Variants in COL26A1 observed in about 807,000 individuals in gnomAD.
COL26A1 encodes collagen type XXVI alpha 1 chain, also known as collagen alpha-1(XXVI) chain.
A neutral mutation model predicts 59.3 loss-of-function variants in COL26A1; 41 were observed. The ratio of observed to expected loss-of-function variants is 0.69; its 90% CI spans 0.54 to 0.90. The LOEUF (loss-of-function observed/expected upper bound fraction) is 0.90. COL26A1 is among the 40% of genes least tolerant of loss of function. The pLI is 0.00. For missense variants in COL26A1, 612 were observed against 602.3 expected, an observed-to-expected ratio of 1.02 and a Z score of -0.17; for synonymous variants, 266 against 256.0, an observed-to-expected ratio of 1.04 and a Z score of -0.37.
chr7:101,515,687 C>T (rs941310617), intron 3 of COL26A1, among the ~76,000 whole-genome samples: 6 of 151,808 alleles, frequency 4.0e-5, no homozygotes, highest in African/African-American at 1.2e-4. Context: ...CTCCCTGGCT[C>T]AAGTGATTCT....
chr7:101,364,224 C>T (rs1366141776), intron 1 of COL26A1, among the ~76,000 whole-genome samples: 1 of 128,402 alleles, frequency 7.8e-6, no homozygotes, highest in Non-Finnish European at 1.6e-5. Context: ...GCCTCGTTTG[C>T]ATAACTCGCT....
chr7:101,387,374 G>GGAA (rs1554403980), intron 1 of COL26A1, among the ~76,000 whole-genome samples: 2 of 143,692 alleles, frequency 1.4e-5, no homozygotes, highest in African/African-American at 5.2e-5. Context: ...CCGACACACT[G>GGAA]AAAAAAAAAA....
At chr7:101,551,180 C>A (rs73715304) in intron 10 of COL26A1, 37 bp downstream of exon 10, 260,429 of 1,537,862 alleles carry the variant, frequency 0.17, 23,786 homozygotes, top group African/African-American at 0.3. Flanking sequence ...TGGGCCACTC[C>A]CAGGCAGAGG....
chr7:101,394,070 G>T (rs1217037853), intron 1 of COL26A1, among the ~76,000 whole-genome samples: 2 of 152,038 alleles, frequency 1.3e-5, no homozygotes, highest in Non-Finnish European at 2.9e-5. Context: ...GAGCCACTGC[G>T]CCTGGCTGGG....
At chr7:101,369,074 C>G (rs1218551649) in intron 1 of COL26A1, among the ~76,000 whole-genome samples, 1 of 151,892 alleles carries the variant, frequency 6.6e-6, no homozygotes, top group African/African-American at 2.4e-5. Context: ...TCAACTTGGC[C>G]TTTTTCCATC....
At chr7:101,408,729 G>A (rs1405861419) in intron 1 of COL26A1, among the ~76,000 whole-genome samples, 2 of 152,200 alleles carry the variant, frequency 1.3e-5, no homozygotes, top group African/African-American at 4.8e-5. Context: ...CTGCAGTGCA[G>A]GACTTCATAT....
At chr7:101,385,686 A>C (rs572682444) in intron 1 of COL26A1, among the ~76,000 whole-genome samples, 22 of 143,382 alleles carry the variant, frequency 1.5e-4, no homozygotes, top group African/African-American at 5.5e-4. Context: ...CAATTGAAAA[A>C]AATTTTTTTT....
intron 2 of COL26A1, among the ~76,000 whole-genome samples, chr7:101,432,545 C>G (rs1341630734): frequency 6.6e-6 from 1 of 152,070 alleles, no homozygotes; most frequent in South Asian, 2.1e-4. Context: ...GAGGTGGGAG[C>G]CGGCAGCTGT....
At chr7:101,417,360 C>T (rs1210114098) in intron 1 of COL26A1, among the ~76,000 whole-genome samples, 2 of 149,148 alleles carry the variant, frequency 1.3e-5, no homozygotes, top group Non-Finnish European at 3.0e-5. Flanking sequence ...CCCTGTTTCT[C>T]CTGGAGGTCA....
At chr7:101,391,249 A>G (rs1351848928) in intron 1 of COL26A1, among the ~76,000 whole-genome samples, 1 of 152,160 alleles carries the variant, frequency 6.6e-6, no homozygotes, top group Non-Finnish European at 1.5e-5. Context: ...GTGGGAGCAT[A>G]TAGGGGGGTG....
At chr7:101,523,096 T>C (rs1158103750) in intron 3 of COL26A1, among the ~76,000 whole-genome samples, 3 of 150,160 alleles carry the variant, frequency 2.0e-5, no homozygotes, top group African/African-American at 7.4e-5. Context: ...TGAGGTGGAG[T>C]TTTGCTCTTG....
chr7:101,376,137 CAA>C (rs34061057), intron 1 of COL26A1, among the ~76,000 whole-genome samples: 9,799 of 132,252 alleles, frequency 0.074, 303 homozygotes, highest in African/African-American at 0.09. Context: ...CCTGTATCTA[CAA>C]AAAAAAAAAA....
chr7:101,540,032 G>T lies in COL26A1; in HGVS notation c.587G>T (p.Arg196Met). 6.2e-7 allele frequency: 1 copy of T among 1,612,778 alleles called. No homozygotes were observed. The highest frequency in any genetic ancestry group is 8.5e-7 in the Non-Finnish European group (1 of 1,179,580). The change falls in exon 5 of 13, where the codon AGG becomes ATG. Residue 196 changes from arginine (R) to methionine (M), a missense_variant. Transcript: ENST00000313669. Reference protein sequence around the residue: ...PLAHPVPRQRRPTGPAGPPGQ... With the variant: ...PLAHPVPRQRMPTGPAGPPGQ... ...GCTCACCCTGTGCCACGACAGAGAA[G>T]GCCCACGGGCCCAGCCGGTGAGTGA...
At chr7:101,457,083 G>T (rs766566884) in intron 3 of COL26A1, among the ~76,000 whole-genome samples, 1 of 152,052 alleles carries the variant, frequency 6.6e-6, no homozygotes, top group African/African-American at 2.4e-5. Flanking sequence ...TAGTTTAATG[G>T]GCAGGGGACT....
At position 101,463,632 on chromosome 7, in the gene COL26A1, TTCCTTCCTTCCATCCTTCCA is replaced by T. The variant is rs1489816908; in HGVS notation, c.385+15853_385+15872del. On this transcript the variant is annotated intron_variant, in intron 3 of 12. Coordinates refer to ENST00000313669, the MANE Select transcript of COL26A1 (RefSeq NM_001278563.3). ...TTCCCTCCCTCCCTCCCCCTCTTCC[TTCCTTCCTTCCATCCTTCCA>T]TCCTTCCATCCTTCCTTCCTCCCTC... Among the ~76,000 whole-genome samples, 25 of 65,076 alleles carry T rather than the reference TTCCTTCCTTCCATCCTTCCA, an allele frequency of 3.8e-4. 1 individual carries two copies. The highest frequency in any genetic ancestry group is 1.3e-3 in the African/African-American group (23 of 18,298). The allele number at this position is 65,076 out of a possible 152,430, so 42.7% of individuals were successfully genotyped here.
At chr7:101,507,759 C>T (rs537308056) in intron 3 of COL26A1, among the ~76,000 whole-genome samples, 37 of 152,180 alleles carry the variant, frequency 2.4e-4, no homozygotes, top group African/African-American at 2.9e-4. Flanking sequence ...TCAGAACTGT[C>T]TCAGCAACCT....
At chr7:101,494,154 G>A (rs1041238893) in intron 3 of COL26A1, among the ~76,000 whole-genome samples, 6 of 119,108 alleles carry the variant, frequency 5.0e-5, no homozygotes, top group Non-Finnish European at 1.1e-4. Flanking sequence ...TTTTGTTTGA[G>A]ACAGAGTCTC....
At chr7:101,437,990 G>A (rs1402646697) in intron 2 of COL26A1, among the ~76,000 whole-genome samples, 1 of 152,082 alleles carries the variant, frequency 6.6e-6, no homozygotes. Context: ...TGGGATTACA[G>A]GCATGAGCCA....
intron 3 of COL26A1, among the ~76,000 whole-genome samples, chr7:101,475,320 C>T (rs376360239): frequency 2.7e-4 from 41 of 151,750 alleles, no homozygotes; most frequent in Middle Eastern, 3.4e-3. Context: ...GTAGGGAGGG[C>T]ACCTCTGGGG....
Sources: allele counts gnomAD v4.1 joint callset (sites outside exome capture counted in the v4.1 genomes callset), GRCh38; gene constraint gnomAD v4.1.1; transcripts MANE v1.5; gene names NCBI Gene and HGNC (gene_info 2026-07-23, HGNC 2026-07-21).